The following AGRN variants were observed in gnomAD, a reference collection of about 807,000 sequenced individuals.
The protein encoded by AGRN is agrin.
In AGRN, 106 loss-of-function variants were observed where a neutral mutation model predicts 211.0. The observed-to-expected ratio is 0.50, with a 90% CI of 0.43 to 0.59. AGRN has a LOEUF of 0.59. Ranked by LOEUF, AGRN falls within the 20% of genes least tolerant of loss-of-function variation. The probability of loss-of-function intolerance (pLI) is 0.00; values close to 1 mark genes in which losing one functional copy is unlikely to be tolerated. For missense variants in AGRN, 3,040 were observed against 2,982.6 expected (o/e 1.02, Z -0.45); for synonymous variants, 1,525 against 1,332.5 (o/e 1.14, Z -3.15).
At position 1,046,846 on chromosome 1, in the gene AGRN, G is replaced by A. The variant is rs572261141; in HGVS notation, c.3277G>A (p.Val1093Met). The part of the protein sequence containing the change: ...GGLEPLEGSS[V>M]ATPGPPVERA... ...GCTCGAGCCCTTGGAGGGCAGCAGC[G>A]TGGCCACCCCTGGGCCACCTGTCGA... Residue 1093 changes from valine to methionine, a missense_variant, in exon 19 of 36, where the codon GTG (valine) becomes ATG (methionine). This residue lies in a region of AGRN where 1,537 missense variants were observed against 1,505.0 expected (regional missense o/e 1.02). Coordinates refer to ENST00000379370, the MANE Select transcript of AGRN (RefSeq NM_198576.4). The A allele has an allele frequency of 4.4e-6, 7 of 1,586,522 alleles. No homozygotes were observed. The East Asian group carries it at 6.8e-5, about 15-fold the overall frequency.
At chr1:1,040,932 A>G (rs1285519447) in intron 4 of AGRN, 52 bp downstream of exon 4, 1 of 1,149,132 alleles carries the variant, frequency 8.7e-7, no homozygotes, top group Admixed American at 4.6e-5. Context: ...GGCCTATGAG[A>G]TGGAGCGAGG....
In AGRN at chr1:1,041,314, C is replaced by T; in HGVS notation, c.869C>T (p.Ala290Val). The T allele has an allele frequency of 3.3e-6, 5 of 1,521,272 alleles. No individual in the cohort carries two copies. In the South Asian group the frequency reaches 6.0e-5, roughly 18 times the overall value. The allele number at this position is 1,521,272 out of a possible 1,614,324, so 94.2% of individuals were successfully genotyped here. The change falls in exon 5 of 36, where the codon GCC becomes GTC. Residue 290 changes from alanine to valine, a missense_variant. Ala to Val is a moderately conservative substitution (Grantham distance 64). Coordinates refer to ENST00000379370, the MANE Select transcript of AGRN (RefSeq NM_198576.4). ...GGGACCGTCTGCGGCAGCGACGGCG[C>T]CGACTACCCCGGCGAGTGCCAGCTC... Reference protein sequence around the residue: ...PEGTVCGSDGADYPGECQLLR... With the variant: ...PEGTVCGSDGVDYPGECQLLR...
intron 3 of AGRN, among the ~76,000 whole-genome samples, chr1:1,037,721 G>A (rs1233900481): frequency 6.6e-6 from 1 of 152,220 alleles, no homozygotes; most frequent in African/African-American, 2.4e-5. Context: ...TCTATGAGGG[G>A]CCATGTGGGC....
chr1:1,034,984 G>A (rs1025842145), intron 2 of AGRN: 13 of 550,656 alleles, frequency 2.4e-5, no homozygotes, highest in Non-Finnish European at 2.6e-5. Context: ...AGGACCTGCG[G>A]TGGACTCTTC....
At position 1,043,846 on chromosome 1, in the gene AGRN, G is replaced by A. The variant is rs1204633968; in HGVS notation, c.1822G>A (p.Ala608Thr). 2 of 1,611,478 alleles carry A rather than the reference G, an allele frequency of 1.2e-6. No homozygotes were observed. Among genetic ancestry groups the A allele is most frequent in the South Asian group, 1.1e-5 (1 of 91,078 alleles). ...AGAGACCTGTGGAGATGCCGTGTGT[G>A]CTTTTGGGGCTGTGTGCTCCGCAGG... ...PCETCGDAVCAFGAVCSAGQC... is the reference protein window; with the variant it reads ...PCETCGDAVCTFGAVCSAGQC... Residue 608 changes from alanine to threonine, a missense_variant, in exon 10 of 36, where the codon GCT becomes ACT. Ala to Thr is a moderately conservative substitution (Grantham distance 58, BLOSUM62 0). Coordinates refer to ENST00000379370, the MANE Select transcript of AGRN (RefSeq NM_198576.4).
At chr1:1,046,368 T>C (rs745965309) in intron 17 of AGRN, 29 bp from the exon 18 acceptor site, 1 of 1,596,846 alleles carries the variant, frequency 6.3e-7, no homozygotes, top group African/African-American at 1.4e-5. Flanking sequence ...TCCCAACCGG[T>C]CCCCCCGCCA....
At position 1,050,318 on chromosome 1, in the gene AGRN, A is replaced by C. The variant is rs1271601387; in HGVS notation, c.4965A>C (p.Ala1655=). 1.2e-6 allele frequency: 2 copies of C among 1,612,706 alleles called. No individual in the cohort carries two copies. Among genetic ancestry groups the C allele is most frequent in the Admixed American group, 1.7e-5 (1 of 59,982 alleles). Residue 1655 remains alanine (A), a synonymous_variant, in exon 28 of 36, where the codon GCA becomes GCC. Coordinates refer to ENST00000379370, the MANE Select transcript of AGRN (RefSeq NM_198576.4). ...HLELRGLHTF[A]RDLGEKMALE... ...AGCTGAGAGGCCTGCACACCTTTGC[A>C]CGGGACCTGGGGTCGGTGGGGCAGG...
Position 1,053,982 on chromosome 1 carries a change from G to T in AGRN, c.5876+5G>T. 1.9e-6 allele frequency: 3 copies of T among 1,593,948 alleles called. No homozygotes were observed. Among genetic ancestry groups the T allele is most frequent in the Non-Finnish European group, 2.6e-6 (3 of 1,171,128 alleles). ...GTTGCGGGTCGTGGCACATAGGTGA[G>T]TAGGGAACCCAGCGTGCCGAGAATA... On this transcript the variant is annotated splice_donor_5th_base_variant and intron_variant, in intron 34 of 35. Coordinates refer to ENST00000379370, the MANE Select transcript of AGRN (RefSeq NM_198576.4).
In AGRN at chr1:1,049,434, C is replaced by T. The variant is rs570742550; in HGVS notation, c.4497C>T (p.Pro1499=). 18 of 1,599,430 alleles carry T rather than the reference C, an allele frequency of 1.1e-5. No homozygotes were observed. The highest frequency in any genetic ancestry group is 1.7e-4 in the Middle Eastern group (1 of 6,058). ...LDTDLFVGGV[P]EDQAAVALER... is the part of the protein sequence containing the mutation. Reference sequence around the variant, plus strand: ...CAGACCTCTTTGTGGGCGGCGTACCCGAGGACCAGGCTGCCGTGTGAGTCC... The same window carrying T: ...CAGACCTCTTTGTGGGCGGCGTACCTGAGGACCAGGCTGCCGTGTGAGTCC... Residue 1499 remains proline, a synonymous_variant, in exon 25 of 36, where the codon CCC becomes CCT. Coordinates refer to ENST00000379370, the MANE Select transcript of AGRN (RefSeq NM_198576.4).
In AGRN at chr1:1,055,209, C is replaced by T. The variant is rs1355716098; in HGVS notation, c.*228C>T. ...GGCAGCCTCAGGACACACACCCCTG[C>T]CTCAAGGTGCTGAGCCCCCGCCTTG... On this transcript the variant is annotated 3_prime_UTR_variant, in exon 36 of 36. Transcript: ENST00000379370. The T allele has an allele frequency of 1.5e-6, 1 of 670,828 alleles. No homozygotes were observed. The highest frequency in any genetic ancestry group is 2.5e-6 in the Non-Finnish European group (1 of 392,682). The allele number at this position is 670,828 out of a possible 1,614,324, so 41.6% of individuals were successfully genotyped here. A position where few individuals can be genotyped will look rare whatever the true frequency, so the allele number is the denominator to read the frequency against.
chr1:1,052,373 G>A, intron 33 of AGRN: 1 of 341,082 alleles, frequency 2.9e-6, no homozygotes, highest in Admixed American at 4.2e-5. Flanking sequence ...ATATCCAGCT[G>A]TGTGTGTGCA....
intron 33 of AGRN, chr1:1,053,284 T>C: frequency 1.6e-5 from 7 of 444,380 alleles, no homozygotes; most frequent in South Asian, 1.5e-4. Context: ...GTGTCTCGTG[T>C]CCGCACAAGC....
Position 1,055,453 on chromosome 1 carries a change from C to T in AGRN, c.*472C>T, listed in dbSNP as rs1645428141. The T allele has an allele frequency of 1.7e-5, 5 of 285,774 alleles. No homozygotes were observed. The highest frequency in any genetic ancestry group is 1.7e-4 in the South Asian group (5 of 28,626). The allele number at this position is 285,774 out of a possible 1,614,324, so 17.7% of individuals were successfully genotyped here. A position where few individuals can be genotyped will look rare whatever the true frequency, so the allele number is the denominator to read the frequency against. On this transcript the variant is annotated 3_prime_UTR_variant, in exon 36 of 36. Coordinates refer to ENST00000379370, the MANE Select transcript of AGRN (RefSeq NM_198576.4). ...CCTGCCTCGGCCTCCTGCGCCAATA[C>T]TGTGACTTCCAAACAATGTTACTGC...
At position 1,045,970 on chromosome 1, in the gene AGRN, C is replaced by G. The variant is rs771658818; in HGVS notation, c.2687C>G (p.Ser896Cys). ...LGPAGCEADA[S>C]APATCAEMRC... ...TCCCATGCCCGTGCCCCAGACGCTT[C>G]TGCGCCTGCGACCTGTGCGGAGATG... The change falls in exon 16 of 36, where the codon TCT (serine) becomes TGT (cysteine). Residue 896 changes from serine to cysteine, a missense_variant. Physicochemically the swap from Ser to Cys is moderately radical, Grantham distance 112. Around this residue, in one of 3 missense-constraint regions of AGRN, gnomAD observed 1,498 missense variants for 1,457.8 expected, o/e 1.03. Coordinates refer to ENST00000379370, the MANE Select transcript of AGRN (RefSeq NM_198576.4). 2 of 1,613,710 alleles carry G rather than the reference C, an allele frequency of 1.2e-6. No individual in the cohort carries two copies. The highest frequency in any genetic ancestry group is 1.7e-6 in the Non-Finnish European group (2 of 1,180,016).
In AGRN at chr1:1,046,482, C is replaced by T. The variant is rs141061406; in HGVS notation, c.2997C>T (p.Ala999=). The T allele has an allele frequency of 1.9e-6, 3 of 1,610,790 alleles. No homozygotes were observed. The highest frequency in any genetic ancestry group is 3.3e-5 in the Admixed American group (2 of 59,914). The change falls in exon 18 of 36, where the codon GCC becomes GCT. Residue 999 remains alanine (A), a synonymous_variant. Coordinates refer to ENST00000379370, the MANE Select transcript of AGRN (RefSeq NM_198576.4). ...TCCTCCTGAGCCAGGCACTGCCGGC[C>T]CCCCCCGGCGCCCTCCCCCTGGCTC... ...PGLLLSQALP[A]PPGALPLAPS...
rs1246063418 is a variant in AGRN, at chr1:1,031,770, GTCC to G, written c.464-3499_464-3497del. 2.6e-5 allele frequency among the ~76,000 whole-genome samples: 4 copies of G among 152,300 alleles called. No homozygotes were observed. Among genetic ancestry groups the G allele is most frequent in the South Asian group, 4.1e-4 (2 of 4,832 alleles). On this transcript the variant is annotated intron_variant, in intron 2 of 35. Transcript: ENST00000379370. This position sits in a 1 kb window ranked among gnomAD's most constrained non-coding sequence, Gnocchi z 4.8. ...CCACCCCTCCCACATTGTGGTACCT[GTCC>G]TCCTCCTGCAGAGCCCGCCCAGAGA...
Position 1,045,246 on chromosome 1 carries a change from A to G in AGRN, c.2340A>G (p.Ala780=). ...PYGCCQDNIT[A]ARGVGLAGCP... ...GCTGCTGCCAGGACAATATCACCGC[A>G]GCCCGGGGCGTGGGCCTGGCTGGCT... is the stretch of plus-strand genomic sequence containing the variant. The change falls in exon 13 of 36, where the codon GCA becomes GCG. Residue 780 remains alanine (A), a synonymous_variant. Coordinates refer to ENST00000379370, the MANE Select transcript of AGRN (RefSeq NM_198576.4). 6.2e-7 allele frequency: 1 copy of G among 1,611,866 alleles called. No individual in the cohort carries two copies. Among genetic ancestry groups the G allele is most frequent in the Admixed American group, 1.7e-5 (1 of 59,966 alleles).
At chr1:1,033,667 C>G (rs1357559466) in intron 2 of AGRN, among the ~76,000 whole-genome samples, 2 of 134,364 alleles carry the variant, frequency 1.5e-5, no homozygotes, top group Admixed American at 1.4e-4. Context: ...ACCCCCGGCC[C>G]CAGCTTCAGC....
Position 1,053,775 on chromosome 1 carries a change from C to G in AGRN, c.5674C>G (p.His1892Asp). ...CAGCGAGAAGGCACTGCAGAGCAAC[C>G]ACTTTGAACTGAGCCTGCGCACTGA... is the stretch of plus-strand genomic sequence containing the variant. The part of the protein sequence containing the change: ...TESEKALQSN[H>D]FELSLRTEAT... Residue 1892 changes from histidine (H) to aspartate (D), a missense_variant, in exon 34 of 36, where the codon CAC becomes GAC. Coordinates refer to ENST00000379370, the MANE Select transcript of AGRN (RefSeq NM_198576.4). The G allele has an allele frequency of 4.4e-6, 7 of 1,608,478 alleles. No individual in the cohort carries two copies. Among genetic ancestry groups the G allele is most frequent in the Non-Finnish European group, 5.9e-6 (7 of 1,178,224 alleles).
Sources: allele counts gnomAD v4.1 joint callset (sites outside exome capture counted in the v4.1 genomes callset), GRCh38; gene constraint gnomAD v4.1.1; regional missense constraint gnomAD v4.1.1; non-coding constraint Gnocchi (gnomAD v3.1); transcripts MANE v1.5; gene names NCBI Gene and HGNC (gene_info 2026-07-23, HGNC 2026-07-21).